ADGRA3: variants seen among roughly 807,000 people sequenced by gnomAD.
ADGRA3 encodes the protein adhesion G protein-coupled receptor A3.
In ADGRA3, 56 loss-of-function variants were observed where a neutral mutation model predicts 119.8. The ratio of observed to expected loss-of-function variants is 0.47; its 90% CI spans 0.38 to 0.58. ADGRA3 has a LOEUF of 0.58. ADGRA3 is among the 20% of genes least tolerant of loss of function. The pLI, the probability that ADGRA3 is intolerant of heterozygous loss-of-function variation, is 0.00. For missense variants in ADGRA3, 1,516 were observed against 1,649.0 expected (o/e 0.92, Z 1.40); for synonymous variants, 607 against 623.8 (o/e 0.97, Z 0.40).
chr4:22,398,976 C>T (rs544585120), intron 16 of ADGRA3, among the ~76,000 whole-genome samples: 2 of 152,344 alleles, frequency 1.3e-5, no homozygotes, highest in South Asian at 4.1e-4. Flanking sequence ...CGTCCGCTTA[C>T]ATTCCCACCA....
At chr4:22,428,474 G>T (rs541290777) in intron 10 of ADGRA3, among the ~76,000 whole-genome samples, 1 of 152,044 alleles carries the variant, frequency 6.6e-6, no homozygotes, top group Non-Finnish European at 1.5e-5. Context: ...TTCAATCATC[G>T]AGTAGCAAAA....
intron 10 of ADGRA3, among the ~76,000 whole-genome samples, chr4:22,429,580 A>G (rs1716077863): frequency 6.6e-6 from 1 of 151,902 alleles, no homozygotes. Context: ...GCCAGCAATC[A>G]CTCAGCTTCA....
chr4:22,432,949 A>G (rs1716246757), intron 10 of ADGRA3, among the ~76,000 whole-genome samples: 1 of 152,232 alleles, frequency 6.6e-6, no homozygotes, highest in Non-Finnish European at 1.5e-5. Context: ...AGCTAGGTGC[A>G]TTTTAGGATA....
Position 22,423,219 on chromosome 4 carries a change from G to GA in ADGRA3, c.1605+971dup, listed in dbSNP as rs879897588. ...CCCCAAAAATAAATAAATAAATATT[G>GA]AAAAAAAAAGAAACCACAGCAACAA... On this transcript the variant is annotated intron_variant, in intron 11 of 18. Transcript: ENST00000334304. Among the ~76,000 whole-genome samples the GA allele has an allele frequency of 8.5e-4, 126 of 148,656 alleles. No homozygotes were observed. The Middle Eastern group carries it at 0.01, about 12-fold the overall frequency.
chr4:22,414,472 T>C (rs1715352520), intron 12 of ADGRA3: 2 of 462,352 alleles, frequency 4.3e-6, no homozygotes, highest in Admixed American at 4.0e-5. Flanking sequence ...CAGCATTCAG[T>C]AAAAAATATA....
chr4:22,502,369 T>C (rs962196534), intron 1 of ADGRA3, among the ~76,000 whole-genome samples: 49 of 152,286 alleles, frequency 3.2e-4, no homozygotes, highest in African/African-American at 1.2e-3. Context: ...TGGCGGTATA[T>C]AGGCCACATA....
At chr4:22,408,085 C>T (rs988242202) in intron 14 of ADGRA3, among the ~76,000 whole-genome samples, 2 of 151,966 alleles carry the variant, frequency 1.3e-5, no homozygotes, top group East Asian at 3.9e-4. Context: ...GCTTTTTCCC[C>T]ACTAAGGAAC....
At chr4:22,403,304 A>G (rs1476802434) in intron 14 of ADGRA3, among the ~76,000 whole-genome samples, 1 of 152,102 alleles carries the variant, frequency 6.6e-6, no homozygotes, top group Non-Finnish European at 1.5e-5. Flanking sequence ...TGGAGACATA[A>G]CGGTAAGACA....
chr4:22,442,881 A>G lies in ADGRA3; in HGVS notation c.707-18T>C. 6.5e-7 allele frequency: 1 copy of G among 1,542,396 alleles called. No homozygotes were observed. Among genetic ancestry groups the G allele is most frequent in the African/African-American group, 1.4e-5 (1 of 73,474 alleles). On this transcript the variant is annotated intron_variant, in intron 6 of 18. Coordinates refer to ENST00000334304, the MANE Select transcript of ADGRA3 (RefSeq NM_145290.4). ...CGGAGGGTCTAGAGACAATCAAACA[A>G]AGATTCAGTAAACAAATATAATTTC...
intron 1 of ADGRA3, among the ~76,000 whole-genome samples, chr4:22,504,892 C>T (rs1490661175): frequency 1.3e-5 from 2 of 152,120 alleles, no homozygotes; most frequent in Non-Finnish European, 2.9e-5. Flanking sequence ...CTGAACAATA[C>T]ATCAGAACAT....
At chr4:22,492,259 A>G (rs2109150929) in intron 1 of ADGRA3, among the ~76,000 whole-genome samples, 1 of 152,312 alleles carries the variant, frequency 6.6e-6, no homozygotes, top group African/African-American at 2.4e-5. Flanking sequence ...CATTAAAAAA[A>G]GAGAATACTG....
intron 16 of ADGRA3, chr4:22,393,057 C>T (rs112011744): frequency 0.027 from 4,159 of 156,886 alleles, 84 homozygotes; most frequent in Non-Finnish European, 0.037. Context: ...GACAGAGCCT[C>T]GCTCTGTCAC....
chr4:22,416,829 T>C (rs61791988), intron 12 of ADGRA3, among the ~76,000 whole-genome samples: 1 of 152,180 alleles, frequency 6.6e-6, no homozygotes, highest in South Asian at 2.1e-4. Flanking sequence ...TATTTCACTA[T>C]TTACAATGAC....
At chr4:22,502,931 C>A (rs1285103014) in intron 1 of ADGRA3, among the ~76,000 whole-genome samples, 1 of 150,290 alleles carries the variant, frequency 6.7e-6, no homozygotes, top group Non-Finnish European at 1.5e-5. Context: ...AAAAATGAGA[C>A]CTCTTTGTAC....
chr4:22,440,385 G>A (rs1013517511), intron 7 of ADGRA3, among the ~76,000 whole-genome samples: 8 of 152,112 alleles, frequency 5.3e-5, no homozygotes, highest in Non-Finnish European at 1.0e-4. Flanking sequence ...TCTTACTGAT[G>A]AAGAATCAAA....
chr4:22,462,763 C>A (rs773886163), intron 2 of ADGRA3, among the ~76,000 whole-genome samples: 4 of 152,220 alleles, frequency 2.6e-5, no homozygotes, highest in African/African-American at 4.8e-5. Flanking sequence ...TATGCTGGCA[C>A]GTCCATGCAA....
intron 1 of ADGRA3, among the ~76,000 whole-genome samples, chr4:22,496,264 G>T (rs955919619): frequency 2.6e-5 from 4 of 152,070 alleles, no homozygotes; most frequent in African/African-American, 9.7e-5. Context: ...TCAAGTCCTG[G>T]TTCCATCACT....
Position 22,454,895 on chromosome 4 carries a change from T to A in ADGRA3, c.444A>T (p.Ile148=), listed in dbSNP as rs1717186848. 1 of 1,613,678 alleles carries A rather than the reference T, an allele frequency of 6.2e-7. No individual in the cohort carries two copies. The highest frequency in any genetic ancestry group is 1.7e-5 in the Admixed American group (1 of 60,006). The stretch of plus-strand genomic sequence containing the variant: ...GAACCAGATTGGTGAGTCCTCGAAA[T>A]ATGTCTGCATTCAGACATCCTATTC... ...NNRIGCLNAD[I]FRGLTNLVRL... is the part of the protein sequence containing the mutation. The change falls in exon 4 of 19, where the codon ATA becomes ATT. Residue 148 remains isoleucine, a synonymous_variant. Coordinates refer to ENST00000334304, the MANE Select transcript of ADGRA3 (RefSeq NM_145290.4).
chr4:22,507,987 G>A (rs1346177697), intron 1 of ADGRA3, among the ~76,000 whole-genome samples: 3 of 152,244 alleles, frequency 2.0e-5, no homozygotes, highest in South Asian at 4.2e-4. Context: ...ATTTGCATCC[G>A]TCTTCTATCC....
Sources: allele counts gnomAD v4.1 joint callset (sites outside exome capture counted in the v4.1 genomes callset), GRCh38; gene constraint gnomAD v4.1.1; transcripts MANE v1.5; gene names NCBI Gene and HGNC (gene_info 2026-07-23, HGNC 2026-07-21).